The following DLGAP1 variants were observed in gnomAD, a reference collection of about 807,000 sequenced individuals.
DLGAP1 encodes DLG associated protein 1.
Under a neutral mutation model 90.8 loss-of-function variants are expected in DLGAP1, and 11 were observed. That is an observed-to-expected ratio of 0.12 (90% CI 0.08 to 0.20). The LOEUF is 0.20. Among genes scored for constraint, DLGAP1 ranks in the 10% least tolerant of loss-of-function variants. DLGAP1 has a pLI of 1.00. For missense variants in DLGAP1, 1,050 were observed against 1,333.8 expected, an observed-to-expected ratio of 0.79 and a Z score of 3.31; for synonymous variants, 558 against 540.7, an observed-to-expected ratio of 1.03 and a Z score of -0.44.
intron 2 of DLGAP1, among the ~76,000 whole-genome samples, chr18:4,148,688 C>A (rs538990818): frequency 3.8e-4 from 58 of 152,350 alleles, no homozygotes; most frequent in African/African-American, 1.3e-3. Context: ...CCCTGCACTA[C>A]CATTCTCTGC....
At chr18:4,095,820 T>C (rs1388071782) in intron 2 of DLGAP1, among the ~76,000 whole-genome samples, 1 of 151,920 alleles carries the variant, frequency 6.6e-6, no homozygotes, top group Admixed American at 6.6e-5. Flanking sequence ...TTCTCTCCAA[T>C]GCCATGAAGC....
intron 1 of DLGAP1, among the ~76,000 whole-genome samples, chr18:4,162,279 T>C (rs1472154804): frequency 6.6e-6 from 1 of 152,140 alleles, no homozygotes. Context: ...ACTAGTTACA[T>C]TGAAAGGATT....
At chr18:3,702,336 A>G (rs1443144285) in intron 7 of DLGAP1, among the ~76,000 whole-genome samples, 1 of 152,236 alleles carries the variant, frequency 6.6e-6, no homozygotes, top group African/African-American at 2.4e-5. Flanking sequence ...TCTACCTTGA[A>G]TTTTAAAATA....
chr18:4,375,697 T>A (rs2082000625), intron 1 of DLGAP1, among the ~76,000 whole-genome samples: 1 of 152,152 alleles, frequency 6.6e-6, no homozygotes, highest in African/African-American at 2.4e-5. Context: ...ATCATACTAG[T>A]CTGTACACAC....
chr18:3,570,731 C>A (rs1484491819), intron 8 of DLGAP1, among the ~76,000 whole-genome samples: 1 of 151,626 alleles, frequency 6.6e-6, no homozygotes, highest in Admixed American at 6.6e-5. Context: ...GAGTTAAAGA[C>A]CAGCCTGGGC....
intron 10 of DLGAP1, among the ~76,000 whole-genome samples, chr18:3,510,714 C>T (rs1436033099): frequency 6.6e-6 from 1 of 152,196 alleles, no homozygotes; most frequent in African/African-American, 2.4e-5. Flanking sequence ...GGTTCCATAG[C>T]TCCTGGGAGC....
chr18:3,760,094 A>C (rs2063894715), intron 5 of DLGAP1, among the ~76,000 whole-genome samples: 1 of 152,232 alleles, frequency 6.6e-6, no homozygotes, highest in Non-Finnish European at 1.5e-5. Context: ...CATCATGGGA[A>C]TACATCATTG....
intron 7 of DLGAP1, among the ~76,000 whole-genome samples, chr18:3,609,959 G>A (rs1296190988): frequency 6.6e-6 from 1 of 151,730 alleles, no homozygotes; most frequent in Non-Finnish European, 1.5e-5. Context: ...TCGGGAGGCT[G>A]AGGCAGGAGA....
chr18:3,992,584 G>A (rs117628766), intron 3 of DLGAP1, among the ~76,000 whole-genome samples: 1,867 of 152,192 alleles, frequency 0.012, 22 homozygotes, highest in Non-Finnish European at 0.021. Flanking sequence ...AGGCTAAGGC[G>A]GGAGGATCAC....
intron 1 of DLGAP1, among the ~76,000 whole-genome samples, chr18:4,165,297 T>C (rs186904440): frequency 2.5e-4 from 38 of 152,226 alleles, no homozygotes; most frequent in Non-Finnish European, 3.4e-4. Context: ...TATGAAACCA[T>C]GAAGGCCAGA....
chr18:4,204,508 G>GTTTTTT (rs112859102), intron 1 of DLGAP1, among the ~76,000 whole-genome samples: 1 of 148,100 alleles, frequency 6.8e-6, no homozygotes. Context: ...GACTGTTGTG[G>GTTTTTT]TTTTTTTTTT....
chr18:4,016,309 C>T (rs572266786), intron 2 of DLGAP1, among the ~76,000 whole-genome samples: 18 of 152,320 alleles, frequency 1.2e-4, no homozygotes, highest in South Asian at 2.1e-4. Context: ...TCCCAGACCA[C>T]CAAGGCAGCC....
At chr18:4,399,478 G>A (rs62087778) in intron 1 of DLGAP1, among the ~76,000 whole-genome samples, 14,211 of 152,172 alleles carry the variant, frequency 0.093, 1,177 homozygotes, top group African/African-American at 0.23. Flanking sequence ...ACGCTTATCT[G>A]TCCAAAATTA....
At chr18:4,126,310 C>A (rs1284222228) in intron 2 of DLGAP1, among the ~76,000 whole-genome samples, 1 of 152,208 alleles carries the variant, frequency 6.6e-6, no homozygotes, top group Non-Finnish European at 1.5e-5. Context: ...ATAGTCAACT[C>A]AGCAGTGCAC....
At chr18:4,112,187 A>T (rs892360966) in intron 2 of DLGAP1, among the ~76,000 whole-genome samples, 3 of 151,976 alleles carry the variant, frequency 2.0e-5, no homozygotes, top group African/African-American at 7.2e-5. Flanking sequence ...CTCATTAGTT[A>T]TTTAGGATGC....
intron 5 of DLGAP1, among the ~76,000 whole-genome samples, chr18:3,801,765 A>C (rs969660762): frequency 5.9e-5 from 9 of 152,240 alleles, no homozygotes; most frequent in African/African-American, 2.2e-4. Flanking sequence ...AAAAGAAAAA[A>C]GTAAGAGAAA....
intron 4 of DLGAP1, chr18:3,821,751 G>A (rs571519651): frequency 1.1e-5 from 3 of 270,344 alleles, no homozygotes; most frequent in Non-Finnish European, 1.7e-5. Flanking sequence ...TGGGAGCCTT[G>A]AAGCATCCCA....
intron 2 of DLGAP1, among the ~76,000 whole-genome samples, chr18:4,059,665 C>T (rs1488340456): frequency 2.0e-5 from 3 of 151,972 alleles, no homozygotes; most frequent in South Asian, 2.1e-4. Flanking sequence ...GAGCCAAGAT[C>T]GTGCCATTGT....
intron 2 of DLGAP1, among the ~76,000 whole-genome samples, chr18:4,145,502 T>C (rs1304004334): frequency 6.6e-6 from 1 of 152,204 alleles, no homozygotes; most frequent in African/African-American, 2.4e-5. Context: ...TCCTGTTAAG[T>C]AGGCAGCTTT....
Sources: allele counts gnomAD v4.1 joint callset (sites outside exome capture counted in the v4.1 genomes callset), GRCh38; gene constraint gnomAD v4.1.1; transcripts MANE v1.5; gene names NCBI Gene and HGNC (gene_info 2026-07-23, HGNC 2026-07-21).